The following KDM6A variants were observed in gnomAD, a reference collection of about 807,000 sequenced individuals.
The protein encoded by KDM6A is lysine demethylase 6A, also known as lysine-specific demethylase 6A.
A neutral mutation model predicts 117.6 loss-of-function variants in KDM6A; 11 were observed. The ratio of observed to expected loss-of-function variants is 0.09; its 90% confidence interval spans 0.06 to 0.15. The LOEUF (loss-of-function observed/expected upper bound fraction) is 0.15, where lower values mean the gene tolerates loss of function less well. KDM6A is among the 10% of genes least tolerant of loss of function. KDM6A has a pLI of 1.00. For synonymous variants in KDM6A, 384 were observed against 396.1 expected, an observed-to-expected ratio of 0.97 and a Z score of 0.36; for missense variants, 799 against 1,077.3, an observed-to-expected ratio of 0.74 and a Z score of 3.62.
chrX:45,046,273 C>T (rs1569529754), intron 8 of KDM6A, among the ~76,000 whole-genome samples: 1 of 111,763 alleles, frequency 8.9e-6, no homozygotes, highest in Non-Finnish European at 1.9e-5. Context: ...CACTCTTATA[C>T]ATAGGAATTG....
chrX:45,064,463 T>C (rs1458883512), intron 17 of KDM6A, among the ~76,000 whole-genome samples: 1 of 112,134 alleles, frequency 8.9e-6, no homozygotes, highest in Non-Finnish European at 1.9e-5. Context: ...GAGTAATGAA[T>C]TGCATGCACA....
chrX:44,949,208 C>T (rs1443622000), intron 2 of KDM6A, among the ~76,000 whole-genome samples: 1 of 110,539 alleles, frequency 9.0e-6, no homozygotes, highest in Non-Finnish European at 1.9e-5. Flanking sequence ...GCCTGGTGTA[C>T]GTGGCGAAAC....
At chrX:45,068,792 C>CT (rs1312263113) in intron 17 of KDM6A, among the ~76,000 whole-genome samples, 1 of 84,012 alleles carries the variant, frequency 1.2e-5, no homozygotes, top group Non-Finnish European at 2.1e-5. Flanking sequence ...TCTCTTCTTT[C>CT]TCTTTCTCTT....
intron 7 of KDM6A, among the ~76,000 whole-genome samples, chrX:45,036,961 T>C (rs111788343): frequency 0.01 from 1,138 of 112,875 alleles, 13 homozygotes; most frequent in African/African-American, 0.035. Flanking sequence ...CCATCATGAG[T>C]GCTACAAGGT....
chrX:44,941,387 A>G (rs1011925784), intron 2 of KDM6A, among the ~76,000 whole-genome samples: 9 of 111,319 alleles, frequency 8.1e-5, no homozygotes, highest in Non-Finnish European at 1.1e-4. Context: ...ATCAAAGTCT[A>G]GTTGGTACTT....
chrX:45,050,521 A>T (rs1464599513), intron 8 of KDM6A, among the ~76,000 whole-genome samples: 1 of 111,445 alleles, frequency 9.0e-6, no homozygotes, highest in African/African-American at 3.3e-5. Context: ...TTGATGTTGA[A>T]TCCTAGTTTA....
intron 2 of KDM6A, among the ~76,000 whole-genome samples, chrX:44,895,644 T>G (rs1275429699): frequency 1.8e-5 from 2 of 108,925 alleles, no homozygotes; most frequent in Non-Finnish European, 1.9e-5. Context: ...GTGCTATAAA[T>G]TTACATTTCA....
intron 6 of KDM6A, among the ~76,000 whole-genome samples, chrX:45,028,629 C>G (rs759554494): frequency 8.9e-6 from 1 of 112,123 alleles, no homozygotes; most frequent in East Asian, 2.8e-4. Context: ...TACTTTTTCT[C>G]ACTTGTAGAA....
chrX:44,988,019 AT>A (rs770543733), intron 4 of KDM6A, among the ~76,000 whole-genome samples: 71 of 111,544 alleles, frequency 6.4e-4, no homozygotes, highest in African/African-American at 2.1e-3. Context: ...ACTTGGTTCC[AT>A]TCTCCCCGTC....
At chrX:45,044,537 A>G (rs2147869448) in intron 8 of KDM6A, among the ~76,000 whole-genome samples, 1 of 111,851 alleles carries the variant, frequency 8.9e-6, no homozygotes, top group African/African-American at 3.2e-5. Flanking sequence ...AAAGCCATCA[A>G]TGTTACCAGT....
chrX:44,897,819 G>C (rs1286873976), intron 2 of KDM6A, among the ~76,000 whole-genome samples: 1 of 111,381 alleles, frequency 9.0e-6, no homozygotes. Context: ...GTAATCCGCT[G>C]CTTCAGCCTC....
At chrX:44,915,081 A>C (rs989816418) in intron 2 of KDM6A, among the ~76,000 whole-genome samples, 1 of 111,761 alleles carries the variant, frequency 8.9e-6, no homozygotes, top group East Asian at 2.8e-4. Context: ...TTTCCTAAGC[A>C]TTGACCCTAG....
chrX:45,040,310 C>T (rs1376480987), intron 8 of KDM6A, among the ~76,000 whole-genome samples: 2 of 95,544 alleles, frequency 2.1e-5, no homozygotes, highest in African/African-American at 7.8e-5. Context: ...GGCGGCTGGC[C>T]GGGCAGAGGG....
intron 2 of KDM6A, among the ~76,000 whole-genome samples, chrX:44,950,583 AGTGT>A (rs59987785): frequency 2.4e-4 from 25 of 106,128 alleles, no homozygotes; most frequent in African/African-American, 5.9e-4. Flanking sequence ...CCTGGGTGTG[AGTGT>A]GTGTGTGTGT....
chrX:44,899,251 G>T lies in KDM6A; in HGVS notation c.225+25264G>T, dbSNP rs185538063. ...TGTGTGTGTGTGTGTGTGTGTGTGT[G>T]TGTGTGTGTGTGTTTTCCATTGGTA... On this transcript the variant is annotated intron_variant, in intron 2 of 29. Transcript: ENST00000611820. Among the ~76,000 whole-genome samples the T allele has an allele frequency of 6.6e-4, 66 of 100,336 alleles. 1 individual carries two copies. The highest frequency in any genetic ancestry group is 2.5e-3 in the African/African-American group (66 of 25,995). 87.1% of individuals were successfully genotyped at this position (100,336 alleles called of 115,157 possible). A position where few individuals can be genotyped will look rare whatever the true frequency, so the allele number is the denominator to read the frequency against.
intron 6 of KDM6A, among the ~76,000 whole-genome samples, 174 bp downstream of exon 6, chrX:45,020,904 G>A (rs888336578): frequency 2.7e-5 from 3 of 111,750 alleles, no homozygotes; most frequent in African/African-American, 9.7e-5. Flanking sequence ...GAGTTTCAAG[G>A]TACAAAGTAG....
At chrX:44,895,158 T>A (rs1316839454) in intron 2 of KDM6A, among the ~76,000 whole-genome samples, 1 of 107,789 alleles carries the variant, frequency 9.3e-6, no homozygotes, top group Non-Finnish European at 1.9e-5. Flanking sequence ...CAGGCTGGAG[T>A]GCAGTGGCAC....
At chrX:44,984,928 G>GT (rs1237943578) in intron 4 of KDM6A, among the ~76,000 whole-genome samples, 1 of 110,930 alleles carries the variant, frequency 9.0e-6, no homozygotes, top group Non-Finnish European at 1.9e-5. Context: ...GTTTAAAGTA[G>GT]TTTTTTCCAA....
chrX:45,029,082 T>C (rs1056364763), intron 6 of KDM6A, among the ~76,000 whole-genome samples: 6 of 111,923 alleles, frequency 5.4e-5, no homozygotes, highest in Non-Finnish European at 7.5e-5. Flanking sequence ...AAGGGCGTTA[T>C]AGATATTTGG....
Sources: gnomAD v4.1 joint callset for allele counts (sites outside exome capture counted in the v4.1 genomes callset) on GRCh38, gnomAD v4.1.1 for gene constraint, MANE v1.5 for transcripts, NCBI Gene and HGNC (gene_info 2026-07-23, HGNC 2026-07-21) for gene names.